The following COLGALT2 variants were observed in gnomAD, a reference collection of about 807,000 sequenced individuals.
COLGALT2 encodes collagen beta(1-O)galactosyltransferase 2.
A neutral mutation model predicts 73.4 loss-of-function variants in COLGALT2; 49 were observed. The observed-to-expected ratio is 0.67, with a 90% CI of 0.53 to 0.85. The LOEUF is 0.85. Among genes scored for constraint, COLGALT2 ranks in the 40% least tolerant of loss-of-function variants. COLGALT2 has a pLI of 0.00. For synonymous variants in COLGALT2, 295 were observed against 307.6 expected (o/e 0.96, Z 0.43); for missense variants, 722 against 790.2 (o/e 0.91, Z 1.03).
intron 1 of COLGALT2, 39 bp downstream of exon 1, chr1:184,037,056 G>A: frequency 7.0e-7 from 1 of 1,422,834 alleles, no homozygotes; most frequent in African/African-American, 1.5e-5. Flanking sequence ...GGCCGCCCCC[G>A]CGTCCCGCCG....
At position 183,937,257 on chromosome 1, in the gene COLGALT2, C is replaced by T. The variant is rs1009746187; in HGVS notation, c.*1504G>A. 2.0e-5 allele frequency: 23 copies of T among 1,177,470 alleles called. No homozygotes were observed. The African/African-American group carries it at 2.5e-4, about 13-fold the overall frequency. 72.9% of individuals were successfully genotyped at this position (1,177,470 alleles called of 1,614,324 possible). The stretch of plus-strand genomic sequence containing the variant: ...ATGGTGCATGGACAGTGATGAGGAA[C>T]GGTGCTGGTATGGGATGCCTGGGAG... On this transcript the variant is annotated 3_prime_UTR_variant, in exon 12 of 12. Coordinates refer to ENST00000361927, the MANE Select transcript of COLGALT2 (RefSeq NM_015101.4).
rs118072412 is a variant in COLGALT2 at position 183,966,696 on chromosome 1, C to T, written c.832+2573G>A. ...AGACATTTGGAAGACGACTGGCTGGCACTGGGATGATTCCTGTGGCCATGA... is the reference window on the plus strand; with the variant it reads ...AGACATTTGGAAGACGACTGGCTGGTACTGGGATGATTCCTGTGGCCATGA... On this transcript the variant is annotated intron_variant, in intron 5 of 11. Coordinates refer to ENST00000361927, the MANE Select transcript of COLGALT2 (RefSeq NM_015101.4). Among the ~76,000 whole-genome samples the T allele has an allele frequency of 4.9e-3, 742 of 152,306 alleles. 14 individuals are homozygous for T. The highest frequency in any genetic ancestry group is 0.038 in the Admixed American group (588 of 15,298).
intron 4 of COLGALT2, among the ~76,000 whole-genome samples, chr1:183,973,377 C>T (rs74130438): frequency 0.016 from 2,487 of 152,086 alleles, 57 homozygotes; most frequent in African/African-American, 0.057. Flanking sequence ...GCTAATTTGA[C>T]GTTTCTAAGG....
intron 1 of COLGALT2, among the ~76,000 whole-genome samples, chr1:184,012,125 A>G (rs565550422): frequency 6.6e-6 from 1 of 152,346 alleles, no homozygotes; most frequent in African/African-American, 2.4e-5. Context: ...TCTCTCATGC[A>G]TCTAGACCAT....
chr1:183,948,627 G>A (rs1670310059), intron 8 of COLGALT2, among the ~76,000 whole-genome samples: 1 of 152,198 alleles, frequency 6.6e-6, no homozygotes, highest in African/African-American at 2.4e-5. Flanking sequence ...ACTTAGCAGT[G>A]ACGGACTGAA....
At chr1:183,934,831 A>G (rs1008045735), downstream of COLGALT2, among the ~76,000 whole-genome samples, 4 of 152,222 alleles carry the variant, frequency 2.6e-5, no homozygotes, top group African/African-American at 9.6e-5. Context: ...TTGGACATCA[A>G]CATTTTACTG....
intron 6 of COLGALT2, among the ~76,000 whole-genome samples, chr1:183,957,405 C>A (rs1670582231): frequency 6.6e-6 from 1 of 152,140 alleles, no homozygotes; most frequent in Non-Finnish European, 1.5e-5. Context: ...TATTAGCCAA[C>A]CAGGCAACTG....
chr1:183,945,729 T>TGG, intron 8 of COLGALT2, 165 bp from the exon 9 acceptor site: 1 of 734,866 alleles, frequency 1.4e-6, no homozygotes, highest in Non-Finnish European at 2.2e-6. Context: ...TGTGTCACAC[T>TGG]AGTATTATGA....
intron 7 of COLGALT2, among the ~76,000 whole-genome samples, chr1:183,953,174 A>G (rs1391956882): frequency 6.6e-6 from 1 of 152,264 alleles, no homozygotes; most frequent in Non-Finnish European, 1.5e-5. Flanking sequence ...CTTAGTGAAC[A>G]GTAAACAGAG....
Position 183,938,705 on chromosome 1 carries a change from C to A in COLGALT2, c.*56G>T. On this transcript the variant is annotated 3_prime_UTR_variant, in exon 12 of 12. Coordinates refer to ENST00000361927, the MANE Select transcript of COLGALT2 (RefSeq NM_015101.4). Reference sequence around the variant, plus strand: ...AAACTGGAGCAAACAGATGAATAGCCCTTTAGAAAAACCAGAGGATGTTGA... The same window carrying A: ...AAACTGGAGCAAACAGATGAATAGCACTTTAGAAAAACCAGAGGATGTTGA... The A allele has an allele frequency of 6.3e-7, 1 of 1,588,746 alleles. No homozygotes were observed. Among genetic ancestry groups the A allele is most frequent in the East Asian group, 2.2e-5 (1 of 44,628 alleles).
At chr1:184,002,532 T>A (rs1290897388) in intron 1 of COLGALT2, among the ~76,000 whole-genome samples, 1 of 152,212 alleles carries the variant, frequency 6.6e-6, no homozygotes. Context: ...ACTTAAAGAA[T>A]AATTATTATA....
intron 9 of COLGALT2, among the ~76,000 whole-genome samples, chr1:183,945,218 C>G (rs550328723): frequency 6.6e-6 from 1 of 152,056 alleles, no homozygotes; most frequent in Non-Finnish European, 1.5e-5. Context: ...ATGGGTGTCT[C>G]CCCCGTCACC....
chr1:183,977,022 T>TA (rs1671214816), intron 2 of COLGALT2, among the ~76,000 whole-genome samples: 2 of 152,232 alleles, frequency 1.3e-5, no homozygotes, highest in South Asian at 4.1e-4. Flanking sequence ...CATGGAATTT[T>TA]AAAAATATAA....
intron 1 of COLGALT2, among the ~76,000 whole-genome samples, chr1:184,021,689 A>C (rs934546336): frequency 1.3e-5 from 2 of 152,220 alleles, no homozygotes; most frequent in Non-Finnish European, 2.9e-5. Flanking sequence ...TAAGACAGTG[A>C]CAGAATAAAT....
At chr1:183,989,182 C>T (rs1444257274) in intron 1 of COLGALT2, among the ~76,000 whole-genome samples, 5 of 152,134 alleles carry the variant, frequency 3.3e-5, no homozygotes, top group Non-Finnish European at 5.9e-5. Flanking sequence ...CTTGGTTGTA[C>T]ATGAGATGAG....
At chr1:183,946,503 A>G (rs953859720) in intron 8 of COLGALT2, 6 of 152,242 alleles carry the variant, frequency 3.9e-5, no homozygotes. Flanking sequence ...AAACACTGCA[A>G]TGAAGGAAGA....
chr1:184,006,586 A>G (rs554676922), intron 1 of COLGALT2, among the ~76,000 whole-genome samples: 1 of 133,252 alleles, frequency 7.5e-6, no homozygotes, highest in South Asian at 2.4e-4. Context: ...CTCCATCTCA[A>G]AAAACAATAA....
At chr1:184,032,598 A>G (rs1364668641) in intron 1 of COLGALT2, among the ~76,000 whole-genome samples, 1 of 152,204 alleles carries the variant, frequency 6.6e-6, no homozygotes, top group Non-Finnish European at 1.5e-5. Context: ...TGGGAAAATG[A>G]GGAAAGGAGG....
intron 1 of COLGALT2, among the ~76,000 whole-genome samples, chr1:184,030,175 G>C (rs1007981829): frequency 2.6e-5 from 4 of 152,030 alleles, no homozygotes; most frequent in African/African-American, 9.7e-5. Flanking sequence ...GACCCTAAGG[G>C]ATTCAAATTT....
Sources: gnomAD v4.1 joint callset for allele counts (sites outside exome capture counted in the v4.1 genomes callset) on GRCh38, gnomAD v4.1.1 for gene constraint, MANE v1.5 for transcripts, NCBI Gene and HGNC (gene_info 2026-07-23, HGNC 2026-07-21) for gene names.